Variants in LMNB1 observed in about 807,000 individuals in gnomAD.
LMNB1 encodes lamin B1, also known as lamin-B1.
In LMNB1, 23 loss-of-function variants were observed where a neutral mutation model predicts 67.1. That is an observed-to-expected ratio of 0.34 (90% CI 0.25 to 0.49). LMNB1 has a LOEUF of 0.49. Among genes scored for constraint, LMNB1 ranks in the 20% least tolerant of loss-of-function variants. The pLI is 0.99. For missense variants in LMNB1, 634 were observed against 746.5 expected (o/e 0.85, Z 1.76); for synonymous variants, 281 against 282.9 (o/e 0.99, Z 0.07).
At chr5:126,805,088 G>A (rs1465178662) in intron 2 of LMNB1, among the ~76,000 whole-genome samples, 156 bp downstream of exon 2, 1 of 152,140 alleles carries the variant, frequency 6.6e-6, no homozygotes, top group Non-Finnish European at 1.5e-5. Context: ...AAAGTCTTGA[G>A]GTAGCTAACA....
At chr5:126,792,823 G>A (rs554727479) in intron 1 of LMNB1, among the ~76,000 whole-genome samples, 21 of 151,856 alleles carry the variant, frequency 1.4e-4, no homozygotes, top group South Asian at 4.2e-4. Context: ...TGATCCACCC[G>A]CCTCGGCCTC....
At chr5:126,783,411 A>G (rs1010759875) in intron 1 of LMNB1, among the ~76,000 whole-genome samples, 36 of 146,274 alleles carry the variant, frequency 2.5e-4, no homozygotes, top group African/African-American at 8.9e-4. Flanking sequence ...TAAGAGTTAT[A>G]AAACTAGTTA....
intron 1 of LMNB1, among the ~76,000 whole-genome samples, chr5:126,803,995 TCA>T (rs970627155): frequency 2.0e-5 from 3 of 151,878 alleles, no homozygotes; most frequent in African/African-American, 7.3e-5. Flanking sequence ...CTTACTAATA[TCA>T]GGGGAGTTTC....
chr5:126,813,926 G>A (rs375033519), intron 5 of LMNB1, among the ~76,000 whole-genome samples: 3 of 151,796 alleles, frequency 2.0e-5, no homozygotes, highest in Admixed American at 6.6e-5. Flanking sequence ...ACAGAATTTC[G>A]TTCTTGTTGC....
intron 1 of LMNB1, among the ~76,000 whole-genome samples, chr5:126,802,796 A>G (rs751677141): frequency 4.6e-5 from 7 of 152,158 alleles, no homozygotes; most frequent in Non-Finnish European, 7.3e-5. Context: ...AATTATTTGG[A>G]TGAGAGAAAT....
chr5:126,819,329 C>T, intron 6 of LMNB1, 187 bp downstream of exon 6: 1 of 506,194 alleles, frequency 2.0e-6, no homozygotes, highest in Non-Finnish European at 3.5e-6. Flanking sequence ...CTCAAGTACT[C>T]TTAGTTTATT....
At chr5:126,783,072 G>A (rs1454145268) in intron 1 of LMNB1, among the ~76,000 whole-genome samples, 1 of 151,710 alleles carries the variant, frequency 6.6e-6, no homozygotes, top group Non-Finnish European at 1.5e-5. Context: ...GGTGGTGCAC[G>A]CCTGTAATCC....
chr5:126,834,004 G>C (rs775049001), intron 10 of LMNB1, among the ~76,000 whole-genome samples: 9 of 152,320 alleles, frequency 5.9e-5, no homozygotes, highest in Non-Finnish European at 1.0e-4. Context: ...TGGTTTGACT[G>C]GGCTCAGCTG....
In LMNB1 at chr5:126,823,503, C is replaced by A. The variant is rs183424868; in HGVS notation, c.1491+618C>A. ...ATGTTTCATTGAGTAATCAAAGATT[C>A]TTTTGCTTTTACTTAGTAGGTAGAT... On this transcript the variant is annotated intron_variant, in intron 8 of 10. Coordinates refer to ENST00000261366, the MANE Select transcript of LMNB1 (RefSeq NM_005573.4). Among the ~76,000 whole-genome samples the A allele has an allele frequency of 2.9e-4, 44 of 152,166 alleles. 1 individual carries two copies. Among genetic ancestry groups the A allele is most frequent in the African/African-American group, 7.9e-4 (33 of 41,526 alleles).
chr5:126,804,859 C>A lies in LMNB1; in HGVS notation c.443C>A (p.Ala148Asp). The change falls in exon 2 of 11, where the codon GCT becomes GAT. Residue 148 changes from alanine (A) to aspartate (D), a missense_variant. Ala to Asp is a moderately radical substitution (Grantham distance 126). Coordinates refer to ENST00000261366, the MANE Select transcript of LMNB1 (RefSeq NM_005573.4). ...GCAGCACTGAATTCGAAAGATGCAGCTCTTGCTACTGCACTTGGTGACAAA... is the reference window on the plus strand; with the variant it reads ...GCAGCACTGAATTCGAAAGATGCAGATCTTGCTACTGCACTTGGTGACAAA... Reference protein sequence around the residue: ...YEAALNSKDAALATALGDKKS... With the variant: ...YEAALNSKDADLATALGDKKS... The A allele has an allele frequency of 1.9e-6, 3 of 1,613,988 alleles. No individual in the cohort carries two copies. The highest frequency in any genetic ancestry group is 2.5e-6 in the Non-Finnish European group (3 of 1,179,898).
At position 126,811,886 on chromosome 5, in the gene LMNB1, T is replaced by G; in HGVS notation, c.927T>G (p.Asn309Lys). 6.2e-7 allele frequency: 1 copy of G among 1,611,920 alleles called. No homozygotes were observed. Among genetic ancestry groups the G allele is most frequent in the South Asian group, 1.1e-5 (1 of 90,984 alleles). ...RIESLSSQLS[N>K]LQKESRACLE... ...AGAGCCTTTCATCCCAGCTTTCTAA[T>G]CTACAGAAAGAGGTAAATAATCATC... Residue 309 changes from asparagine to lysine, a missense_variant, in exon 5 of 11, where the codon AAT (asparagine) becomes AAG (lysine). By Grantham distance (94) the Asn-to-Lys change is moderately conservative (BLOSUM62 0). Transcript: ENST00000261366.
intron 1 of LMNB1, among the ~76,000 whole-genome samples, chr5:126,779,893 G>A (rs1307792443): frequency 6.6e-6 from 1 of 152,184 alleles, no homozygotes; most frequent in Non-Finnish European, 1.5e-5. Context: ...TTATCCAGAC[G>A]TGGTGGCATG....
At chr5:126,788,484 A>C (rs1187695490) in intron 1 of LMNB1, among the ~76,000 whole-genome samples, 1 of 152,148 alleles carries the variant, frequency 6.6e-6, no homozygotes, top group East Asian at 1.9e-4. Context: ...TAAAAATGCA[A>C]AAATTAGCCA....
rs202141323 is a variant in LMNB1 at position 126,811,852 on chromosome 5, T to A, written c.893T>A (p.Met298Lys). 4 of 1,611,964 alleles carry A rather than the reference T, an allele frequency of 2.5e-6. No homozygotes were observed. In the East Asian group the frequency reaches 8.9e-5, roughly 36 times the overall value. The change falls in exon 5 of 11, where the codon ATG becomes AAG. Residue 298 changes from methionine to lysine, a missense_variant. Physicochemically the swap from Met to Lys is moderately conservative, Grantham distance 95 (BLOSUM62 -1). Coordinates refer to ENST00000261366, the MANE Select transcript of LMNB1 (RefSeq NM_005573.4). The part of the protein sequence containing the change: ...SAREELMESR[M>K]RIESLSSQLS... ...AGGGAAGAACTGATGGAAAGCCGCA[T>A]GAGAATTGAGAGCCTTTCATCCCAG...
chr5:126,787,546 A>ATATATTTTTTTTTTT, intron 1 of LMNB1, among the ~76,000 whole-genome samples: 14 of 65,568 alleles, frequency 2.1e-4, no homozygotes, highest in African/African-American at 6.6e-4. Flanking sequence ...ATATATATAT[A>ATATATTTTTTTTTTT]TTTTTTTTTT....
rs150438339 is a variant in LMNB1 at position 126,780,828 on chromosome 5, T to TTTA, written c.359+2964_359+2966dup. On this transcript the variant is annotated intron_variant, in intron 1 of 10. Transcript: ENST00000261366. ...TGAATTAGGACTTTTTTTATATGGA[T>TTTA]TTATTCCTCAATAGCTTTTCATTTT... Among the ~76,000 whole-genome samples the TTTA allele has an allele frequency of 7.0e-3, 1,061 of 152,288 alleles. 11 individuals carry two copies. The highest frequency in any genetic ancestry group is 0.024 in the African/African-American group (1,013 of 41,558).
intron 5 of LMNB1, among the ~76,000 whole-genome samples, chr5:126,812,405 G>A (rs1490846866): frequency 6.6e-6 from 1 of 152,220 alleles, no homozygotes. Context: ...TAAGAATTTA[G>A]TGACTCATTC....
intron 8 of LMNB1, 122 bp downstream of exon 8, chr5:126,823,007 A>G (rs1751908866): frequency 1.5e-6 from 1 of 661,600 alleles, no homozygotes; most frequent in East Asian, 2.8e-5. Flanking sequence ...TTTTTATATT[A>G]TTAGGGCATT....
In LMNB1 at chr5:126,777,162, A is replaced by T; in HGVS notation, c.-347A>T. 1 of 202,940 alleles carries T rather than the reference A, an allele frequency of 4.9e-6. No homozygotes were observed. The highest frequency in any genetic ancestry group is 9.9e-6 in the Non-Finnish European group (1 of 101,330). The allele number at this position is 202,940 out of a possible 1,614,324, so 12.6% of individuals were successfully genotyped here. On this transcript the variant is annotated 5_prime_UTR_variant, in exon 1 of 11. It adds an upstream start codon to the 5' untranslated region. Transcript: ENST00000261366. ...CTCCGTGCAGCCTGAGAGGAAACAA[A>T]GTGCTGCGAGCAGGAGACGGCGGCG... is the stretch of plus-strand genomic sequence containing the variant.
Sources: gnomAD v4.1 joint callset for allele counts (sites outside exome capture counted in the v4.1 genomes callset) on GRCh38, gnomAD v4.1.1 for gene constraint, MANE v1.5 for transcripts, NCBI Gene and HGNC (gene_info 2026-07-23, HGNC 2026-07-21) for gene names.